Variants in ST6GAL2 observed in about 807,000 individuals in gnomAD.
The protein encoded by ST6GAL2 is ST6 beta-galactoside alpha-2,6-sialyltransferase 2.
ST6GAL2 carries 24 observed loss-of-function variants against 37.5 expected under a neutral mutation model. The observed-to-expected ratio is 0.64, with a 90% CI of 0.46 to 0.90. The LOEUF is 0.90. ST6GAL2 is among the 40% of genes least tolerant of loss of function. The pLI is 0.00. For missense variants in ST6GAL2, 715 were observed against 712.7 expected, an observed-to-expected ratio of 1.00 and a Z score of -0.04; for synonymous variants, 306 against 295.1, an observed-to-expected ratio of 1.04 and a Z score of -0.38.
intron 1 of ST6GAL2, among the ~76,000 whole-genome samples, chr2:106,884,934 T>TATATATATATATAC (rs1425070594): frequency 0.024 from 2,831 of 120,108 alleles, 110 homozygotes; most frequent in African/African-American, 0.055. Context: ...TATATATATA[T>TATATATATATATAC]ACATACACAC....
rs182652414 is a variant in ST6GAL2 at position 106,831,565 on chromosome 2, T to C, written c.1143+1000A>G. Among the ~76,000 whole-genome samples, 56 of 152,306 alleles carry C rather than the reference T, an allele frequency of 3.7e-4. No homozygotes were observed. In the East Asian group the frequency reaches 0.01, roughly 27 times the overall value. On this transcript the variant is annotated intron_variant, in intron 4 of 5. Coordinates refer to ENST00000409382, the MANE Select transcript of ST6GAL2 (RefSeq NM_001142351.2). The stretch of plus-strand genomic sequence containing the variant: ...AATCAAAGAGCCCTCTCAAAAAATA[T>C]ACATTGAGGCTATATATATCCTCCA...
At chr2:106,865,375 C>T (rs1677980145) in intron 1 of ST6GAL2, among the ~76,000 whole-genome samples, 1 of 152,138 alleles carries the variant, frequency 6.6e-6, no homozygotes. Flanking sequence ...AGAGCACATG[C>T]TTAGAGTTTC....
intron 1 of ST6GAL2, among the ~76,000 whole-genome samples, chr2:106,884,905 G>GTATATA (rs1678898768): frequency 6.1e-5 from 2 of 32,950 alleles, no homozygotes; most frequent in South Asian, 8.6e-4. Flanking sequence ...AATTTGCAGC[G>GTATATA]CATATATATA....
chr2:106,843,583 A>C lies in ST6GAL2; in HGVS notation c.395T>G (p.Phe132Cys). 6.2e-7 allele frequency: 1 copy of C among 1,613,958 alleles called. No homozygotes were observed. The highest frequency in any genetic ancestry group is 8.5e-7 in the Non-Finnish European group (1 of 1,179,998). Reference sequence around the variant, plus strand: ...CCACCCTGGCTGACCAGCAGCAAAAAAGTAGTCGTCATCCTCCGGGTAGAA... The same window carrying C: ...CCACCCTGGCTGACCAGCAGCAAAACAGTAGTCGTCATCCTCCGGGTAGAA... Reference protein sequence around the residue: ...SAFYPEDDDYFFAAGQPGWHS... With the variant: ...SAFYPEDDDYCFAAGQPGWHS... The change falls in exon 2 of 6, where the codon TTT becomes TGT. Residue 132 changes from phenylalanine to cysteine, a missense_variant. Coordinates refer to ENST00000409382, the MANE Select transcript of ST6GAL2 (RefSeq NM_001142351.2).
intron 2 of ST6GAL2, among the ~76,000 whole-genome samples, chr2:106,841,976 G>A (rs561611112): frequency 6.6e-6 from 1 of 152,342 alleles, no homozygotes; most frequent in East Asian, 1.9e-4. Context: ...TTTTTAAGAT[G>A]TGATTAACAG....
intron 5 of ST6GAL2, among the ~76,000 whole-genome samples, chr2:106,823,650 G>A (rs1281358679): frequency 6.6e-6 from 1 of 152,162 alleles, no homozygotes; most frequent in African/African-American, 2.4e-5. Context: ...AGAGGAAGGT[G>A]TTGGCTGAAT....
At chr2:106,832,470 G>C in intron 4 of ST6GAL2, 95 bp downstream of exon 4, 1 of 680,970 alleles carries the variant, frequency 1.5e-6, no homozygotes, top group South Asian at 2.0e-5. Context: ...TACTTTCATT[G>C]TCTGTCAAAG....
At chr2:106,845,957 A>C (rs1422977293) in intron 1 of ST6GAL2, among the ~76,000 whole-genome samples, 3 of 152,200 alleles carry the variant, frequency 2.0e-5, no homozygotes, top group Non-Finnish European at 4.4e-5. Context: ...CCCTAAGCTT[A>C]GCCCAGCATG....
chr2:106,844,168 T>C (rs1208098503), intron 1 of ST6GAL2, 134 bp from the exon 2 acceptor site: 2 of 504,268 alleles, frequency 4.0e-6, no homozygotes, highest in African/African-American at 1.9e-5. Context: ...ACCAGAATCA[T>C]CCAGGAGTTT....
intron 1 of ST6GAL2, among the ~76,000 whole-genome samples, chr2:106,854,825 G>A: frequency 6.6e-6 from 1 of 151,692 alleles, no homozygotes; most frequent in Admixed American, 6.6e-5. Context: ...ATTGTATAAA[G>A]TGGCTAATGA....
chr2:106,857,420 T>G (rs6543450), intron 1 of ST6GAL2, among the ~76,000 whole-genome samples: 1 of 152,012 alleles, frequency 6.6e-6, no homozygotes, highest in African/African-American at 2.4e-5. Context: ...CTGGTCAACA[T>G]GCTGAAACCC....
At chr2:106,821,799 A>G in intron 5 of ST6GAL2, among the ~76,000 whole-genome samples, 1 of 150,286 alleles carries the variant, frequency 6.7e-6, no homozygotes, top group Admixed American at 6.6e-5. Flanking sequence ...ACGACACATT[A>G]AAAAACCATT....
chr2:106,860,087 G>C (rs2104577223), intron 1 of ST6GAL2, among the ~76,000 whole-genome samples: 1 of 152,168 alleles, frequency 6.6e-6, no homozygotes, highest in East Asian at 1.9e-4. Context: ...CTTCCTCCTA[G>C]TTTTGTTGAA....
chr2:106,849,413 T>C lies in ST6GAL2; in HGVS notation c.-57-5379A>G, dbSNP rs565873272. ...GACATCATAAGCTGACCAAACTCTT[T>C]GTGGCGATAAGATGCCAAATTCCAA... On this transcript the variant is annotated intron_variant, in intron 1 of 5. Transcript: ENST00000409382. Among the ~76,000 whole-genome samples, 3 of 152,256 alleles carry C rather than the reference T, an allele frequency of 2.0e-5. No individual in the cohort carries two copies. In the East Asian group the frequency reaches 5.8e-4, roughly 29 times the overall value.
chr2:106,811,206 A>G (rs1314175725), intron 5 of ST6GAL2, among the ~76,000 whole-genome samples: 1 of 152,184 alleles, frequency 6.6e-6, no homozygotes, highest in African/African-American at 2.4e-5. Context: ...ATTAGTATTA[A>G]ATTTGATTCC....
chr2:106,812,930 C>CA (rs1014291841), intron 5 of ST6GAL2: 6 of 795,140 alleles, frequency 7.5e-6, no homozygotes, highest in Middle Eastern at 4.3e-4. Context: ...TTAAGAACTA[C>CA]AAAAAATTAA....
At chr2:106,832,527 C>T in intron 4 of ST6GAL2, 38 bp downstream of exon 4, 1 of 1,092,608 alleles carries the variant, frequency 9.2e-7, no homozygotes, top group South Asian at 1.4e-5. Flanking sequence ...AAGCCATTGT[C>T]TGACCGTTGG....
intron 1 of ST6GAL2, among the ~76,000 whole-genome samples, chr2:106,865,850 C>A (rs921229786): frequency 6.6e-6 from 1 of 152,156 alleles, no homozygotes. Flanking sequence ...TACTATGTTT[C>A]ATTTGCTTAT....
chr2:106,813,743 C>A (rs1290445569), intron 5 of ST6GAL2, among the ~76,000 whole-genome samples: 1 of 152,120 alleles, frequency 6.6e-6, no homozygotes, highest in African/African-American at 2.4e-5. Flanking sequence ...GAACATAATA[C>A]AAGTAACAGG....
Sources: allele counts gnomAD v4.1 joint callset (sites outside exome capture counted in the v4.1 genomes callset), GRCh38; gene constraint gnomAD v4.1.1; transcripts MANE v1.5; gene names NCBI Gene and HGNC (gene_info 2026-07-23, HGNC 2026-07-21).